CPA6: variants seen among roughly 807,000 people sequenced by gnomAD.
CPA6 encodes carboxypeptidase B.
In CPA6, 58 loss-of-function variants were observed where a neutral mutation model predicts 63.3. That is an observed-to-expected ratio of 0.92 (90% CI 0.74 to 1.14). The LOEUF (loss-of-function observed/expected upper bound fraction) is 1.14. Among genes scored for constraint, CPA6 ranks in the 50% most tolerant of loss-of-function variants. The pLI, the probability that CPA6 is intolerant of heterozygous loss-of-function variation, is 0.00. For missense variants in CPA6, 565 were observed against 526.6 expected (o/e 1.07, Z -0.71); for synonymous variants, 185 against 179.0 (o/e 1.03, Z -0.27).
chr8:67,506,743 C>A (rs1221008205), intron 6 of CPA6, 44 bp downstream of exon 6: 1 of 1,250,262 alleles, frequency 8.0e-7, no homozygotes, highest in Non-Finnish European at 1.2e-6. Context: ...CACAGGGAAG[C>A]ACTGACTAGC....
intron 1 of CPA6, among the ~76,000 whole-genome samples, chr8:67,646,600 T>A (rs902494736): frequency 1.3e-5 from 2 of 152,206 alleles, no homozygotes; most frequent in African/African-American, 4.8e-5. Context: ...AATTATAACA[T>A]CATTTTAGGT....
chr8:67,570,099 CT>C (rs556047822), intron 2 of CPA6: 18 of 150,446 alleles, frequency 1.2e-4, no homozygotes, highest in Admixed American at 2.0e-4. Flanking sequence ...AAAACAAGAA[CT>C]TTTTTTTTTC....
Position 67,506,882 on chromosome 8 carries a change from T to C in CPA6, c.541A>G (p.Arg181Gly). The C allele has an allele frequency of 6.2e-7, 1 of 1,612,648 alleles. No individual in the cohort carries two copies. Among genetic ancestry groups the C allele is most frequent in the Non-Finnish European group, 8.5e-7 (1 of 1,178,790 alleles). Residue 181 changes from arginine to glycine, a missense_variant, in exon 6 of 11, where the codon AGA becomes GGA. Physicochemically the swap from Arg to Gly is moderately radical, Grantham distance 125 (BLOSUM62 -2). Transcript: ENST00000297770. ...GRSLFILKLG[R>G]RSRLKRAVWI... Reference sequence around the variant, plus strand: ...ACAGCTCTTTTGAGTCGTGATCGTCTGCCCAGCTGAAAACAAGAGCATTCA... The same window carrying C: ...ACAGCTCTTTTGAGTCGTGATCGTCCGCCCAGCTGAAAACAAGAGCATTCA...
At chr8:67,615,329 C>T (rs1451636005) in intron 2 of CPA6, among the ~76,000 whole-genome samples, 3 of 152,208 alleles carry the variant, frequency 2.0e-5, no homozygotes, top group South Asian at 4.1e-4. Flanking sequence ...ACCTCTCAGT[C>T]ACCAAGAAGT....
chr8:67,674,039 T>C (rs957982621), intron 1 of CPA6, among the ~76,000 whole-genome samples: 1 of 152,258 alleles, frequency 6.6e-6, no homozygotes, highest in African/African-American at 2.4e-5. Context: ...TGTACCGTGT[T>C]ACCATCATAG....
intron 1 of CPA6, among the ~76,000 whole-genome samples, chr8:67,731,799 C>G (rs1360340045): frequency 6.6e-6 from 1 of 152,068 alleles, no homozygotes. Context: ...AGAATACGAC[C>G]AATAAAGTTC....
intron 2 of CPA6, among the ~76,000 whole-genome samples, chr8:67,577,952 G>C (rs1475184161): frequency 1.3e-5 from 2 of 152,136 alleles, no homozygotes; most frequent in Non-Finnish European, 2.9e-5. Context: ...CTTAGAGCAG[G>C]ATTTAGCAAA....
chr8:67,611,274 G>A (rs1165372507), intron 2 of CPA6, among the ~76,000 whole-genome samples: 1 of 152,088 alleles, frequency 6.6e-6, no homozygotes, highest in Non-Finnish European at 1.5e-5. Flanking sequence ...AGTAGAGACA[G>A]GGTTTTGCCA....
intron 1 of CPA6, among the ~76,000 whole-genome samples, chr8:67,634,344 G>A (rs900027885): frequency 6.7e-6 from 1 of 150,014 alleles, no homozygotes; most frequent in Non-Finnish European, 1.5e-5. Flanking sequence ...TCAGCCTCCC[G>A]AGTAGCTGGG....
At chr8:67,651,526 A>AT (rs1175947771) in intron 1 of CPA6, among the ~76,000 whole-genome samples, 1 of 151,834 alleles carries the variant, frequency 6.6e-6, no homozygotes, top group Non-Finnish European at 1.5e-5. Flanking sequence ...GGGCTTCATG[A>AT]TTTTTTGTTT....
intron 1 of CPA6, among the ~76,000 whole-genome samples, chr8:67,737,184 C>A (rs1204418864): frequency 6.6e-6 from 1 of 152,208 alleles, no homozygotes; most frequent in Non-Finnish European, 1.5e-5. Flanking sequence ...CCTACCTCTG[C>A]AGCCTTCCCT....
At chr8:67,516,382 C>T (rs1587512071) in intron 3 of CPA6, among the ~76,000 whole-genome samples, 1 of 152,168 alleles carries the variant, frequency 6.6e-6, no homozygotes, top group African/African-American at 2.4e-5. Flanking sequence ...TCTTTCTGCA[C>T]ATTCTCTCTG....
At chr8:67,609,240 C>T (rs1353076659) in intron 2 of CPA6, among the ~76,000 whole-genome samples, 1 of 152,124 alleles carries the variant, frequency 6.6e-6, no homozygotes, top group Non-Finnish European at 1.5e-5. Context: ...ATTACAACAC[C>T]CTCAAATAAC....
At chr8:67,642,538 G>A (rs556157477) in intron 1 of CPA6, among the ~76,000 whole-genome samples, 19 of 152,114 alleles carry the variant, frequency 1.2e-4, no homozygotes, top group Non-Finnish European at 2.2e-4. Context: ...AACAGGCAAC[G>A]CACTTGTGAA....
At chr8:67,666,662 G>A (rs1420262813) in intron 1 of CPA6, among the ~76,000 whole-genome samples, 1 of 152,138 alleles carries the variant, frequency 6.6e-6, no homozygotes, top group South Asian at 2.1e-4. Flanking sequence ...CAGGGTCTCC[G>A]TGCAGCACTG....
intron 8 of CPA6, among the ~76,000 whole-genome samples, chr8:67,461,064 T>A (rs1480714296): frequency 3.4e-5 from 5 of 149,130 alleles, no homozygotes; most frequent in East Asian, 1.9e-4. Flanking sequence ...TTTTTTTTTT[T>A]AATTTTAATT....
chr8:67,733,455 T>G (rs1048877792), intron 1 of CPA6, among the ~76,000 whole-genome samples: 5 of 152,010 alleles, frequency 3.3e-5, no homozygotes, highest in African/African-American at 1.2e-4. Flanking sequence ...CCCTCAGAGC[T>G]TCACATAATC....
At chr8:67,535,927 T>A (rs953534846) in intron 2 of CPA6, among the ~76,000 whole-genome samples, 4 of 152,222 alleles carry the variant, frequency 2.6e-5, no homozygotes, top group African/African-American at 9.6e-5. Context: ...TGCATATGGC[T>A]AGGCAGTTTT....
At chr8:67,427,371 A>G (rs1028031901) in intron 10 of CPA6, among the ~76,000 whole-genome samples, 2 of 152,168 alleles carry the variant, frequency 1.3e-5, no homozygotes, top group African/African-American at 2.4e-5. Context: ...TGCTTTGGCC[A>G]CTTCTTTGGA....
Sources: allele counts gnomAD v4.1 joint callset (sites outside exome capture counted in the v4.1 genomes callset), GRCh38; gene constraint gnomAD v4.1.1; transcripts MANE v1.5; gene names NCBI Gene and HGNC (gene_info 2026-07-23, HGNC 2026-07-21).